Variants in CTNNA3 observed in about 807,000 individuals in gnomAD.
The protein encoded by CTNNA3 is catenin alpha-3.
A neutral mutation model predicts 95.7 loss-of-function variants in CTNNA3; 76 were observed. The ratio of observed to expected loss-of-function variants is 0.79; its 90% CI spans 0.66 to 0.96. The LOEUF is 0.96. Ranked by LOEUF, CTNNA3 falls within the 40% of genes least tolerant of loss-of-function variation. CTNNA3 has a pLI of 0.00. For missense variants in CTNNA3, 1,191 were observed against 1,089.8 expected, an observed-to-expected ratio of 1.09 and a Z score of -1.31; for synonymous variants, 431 against 374.4, an observed-to-expected ratio of 1.15 and a Z score of -1.74.
At chr10:66,329,672 G>A (rs1259962284) in intron 12 of CTNNA3, among the ~76,000 whole-genome samples, 1 of 151,970 alleles carries the variant, frequency 6.6e-6, no homozygotes, top group Non-Finnish European at 1.5e-5. Context: ...ATGAGTGAAT[G>A]TGCATCACAC....
intron 7 of CTNNA3, among the ~76,000 whole-genome samples, chr10:66,916,473 A>T (rs1846500430): frequency 6.6e-6 from 1 of 152,236 alleles, no homozygotes; most frequent in Non-Finnish European, 1.5e-5. Context: ...TGTTTTTAAT[A>T]CAGGCCTTTT....
intron 11 of CTNNA3, among the ~76,000 whole-genome samples, chr10:66,482,033 T>G (rs933142222): frequency 6.6e-6 from 1 of 152,140 alleles, no homozygotes; most frequent in African/African-American, 2.4e-5. Flanking sequence ...TCTAAATTTA[T>G]GTGTATGTTT....
At chr10:66,344,369 C>T (rs565143926) in intron 12 of CTNNA3, among the ~76,000 whole-genome samples, 7 of 150,830 alleles carry the variant, frequency 4.6e-5, no homozygotes, top group Admixed American at 2.7e-4. Context: ...CGGGTTCAAA[C>T]GATTCTCCTG....
intron 7 of CTNNA3, among the ~76,000 whole-genome samples, chr10:67,043,135 C>CTT (rs34946963): frequency 1.9e-5 from 2 of 103,752 alleles, no homozygotes; most frequent in African/African-American, 3.2e-5. Flanking sequence ...CACTTTCTTT[C>CTT]TTTTTTTTTT....
chr10:66,000,817 G>A (rs976283363), intron 15 of CTNNA3, among the ~76,000 whole-genome samples: 1 of 152,168 alleles, frequency 6.6e-6, no homozygotes, highest in Non-Finnish European at 1.5e-5. Flanking sequence ...CTGACGAACA[G>A]ACAAGTTAAA....
intron 13 of CTNNA3, among the ~76,000 whole-genome samples, chr10:66,261,861 T>G (rs914581828): frequency 1.3e-5 from 2 of 151,908 alleles, no homozygotes; most frequent in African/African-American, 4.8e-5. Flanking sequence ...ATCCTATGAC[T>G]TCCCCCTGTA....
At chr10:66,597,887 T>G (rs183995436) in intron 10 of CTNNA3, among the ~76,000 whole-genome samples, 5 of 152,130 alleles carry the variant, frequency 3.3e-5, no homozygotes, top group Admixed American at 3.3e-4. Context: ...TTTAATATTT[T>G]ATTTGAAACA....
chr10:67,537,537 T>C (rs1840524524), intron 4 of CTNNA3, among the ~76,000 whole-genome samples: 1 of 152,220 alleles, frequency 6.6e-6, no homozygotes, highest in Non-Finnish European at 1.5e-5. Context: ...ATGATGTATG[T>C]GAATTACCTA....
intron 2 of CTNNA3, among the ~76,000 whole-genome samples, chr10:67,609,199 G>A (rs549923996): frequency 1.3e-5 from 2 of 151,548 alleles, no homozygotes; most frequent in Admixed American, 1.3e-4. Flanking sequence ...CCATCGTAGA[G>A]GAATGAGAGA....
chr10:66,305,553 T>C (rs2091921423), intron 12 of CTNNA3, among the ~76,000 whole-genome samples: 4 of 152,192 alleles, frequency 2.6e-5, no homozygotes, highest in Admixed American at 2.6e-4. Context: ...CAACTGAAAG[T>C]AAACATATAT....
chr10:67,467,982 A>T (rs1589321807), intron 5 of CTNNA3, among the ~76,000 whole-genome samples: 1 of 150,288 alleles, frequency 6.7e-6, no homozygotes, highest in Non-Finnish European at 1.5e-5. Flanking sequence ...AAGTGCTAGG[A>T]TTATAGGCAT....
rs376310631 is a variant in CTNNA3, at chr10:66,182,278, C to T, written c.1885-79029G>A. Among the ~76,000 whole-genome samples the T allele has an allele frequency of 2.8e-3, 387 of 138,904 alleles. 4 individuals carry two copies. The highest frequency in any genetic ancestry group is 0.02 in the East Asian group (96 of 4,804). 91.1% of individuals were successfully genotyped at this position (138,904 alleles called of 152,430 possible). A position where few individuals can be genotyped will look rare whatever the true frequency, so the allele number is the denominator to read the frequency against. ...TTTCTTTTTTTTTTTTTTTTTGAGA[C>T]GGAGTCTCGCTCTATCGCCCAGGCT... is the stretch of plus-strand genomic sequence containing the variant. On this transcript the variant is annotated intron_variant, in intron 13 of 17. Transcript: ENST00000433211.
At chr10:67,326,048 C>A (rs551710944) in intron 5 of CTNNA3, among the ~76,000 whole-genome samples, 1 of 152,204 alleles carries the variant, frequency 6.6e-6, no homozygotes, top group African/African-American at 2.4e-5. Context: ...AGGATTGCAA[C>A]CCCTGCTTTT....
chr10:66,621,829 G>A, intron 9 of CTNNA3, 45 bp from the exon 10 acceptor site: 1 of 1,227,084 alleles, frequency 8.1e-7, no homozygotes, highest in South Asian at 1.3e-5. Context: ...AGATTAGCAA[G>A]GAAATGCAGC....
chr10:67,038,947 C>T (rs1349816708), intron 7 of CTNNA3, among the ~76,000 whole-genome samples: 1 of 151,916 alleles, frequency 6.6e-6, no homozygotes, highest in Non-Finnish European at 1.5e-5. Context: ...AAAAAATAGT[C>T]TTTTGAGAAG....
At chr10:66,398,663 A>T (rs1328184601) in intron 11 of CTNNA3, among the ~76,000 whole-genome samples, 1 of 150,464 alleles carries the variant, frequency 6.6e-6, no homozygotes, top group Non-Finnish European at 1.5e-5. Context: ...CATGAAACAG[A>T]ACACTTTTTT....
chr10:67,604,344 T>C (rs537035928), intron 3 of CTNNA3, among the ~76,000 whole-genome samples: 69 of 152,238 alleles, frequency 4.5e-4, no homozygotes, highest in South Asian at 2.3e-3. Flanking sequence ...AGGTGCAAGA[T>C]AATGGTAGAA....
intron 17 of CTNNA3, among the ~76,000 whole-genome samples, chr10:65,936,263 G>A (rs2077335989): frequency 1.3e-5 from 2 of 152,236 alleles, no homozygotes; most frequent in South Asian, 2.1e-4. Context: ...TGGTATTAAT[G>A]TAGTTAGGTG....
chr10:67,374,074 C>T (rs1236016858), intron 5 of CTNNA3, among the ~76,000 whole-genome samples: 1 of 152,048 alleles, frequency 6.6e-6, no homozygotes, highest in Non-Finnish European at 1.5e-5. Flanking sequence ...ACTTTCAGAC[C>T]ACTGTAGTAA....
Sources: allele counts gnomAD v4.1 joint callset (sites outside exome capture counted in the v4.1 genomes callset), GRCh38; gene constraint gnomAD v4.1.1; transcripts MANE v1.5; gene names NCBI Gene and HGNC (gene_info 2026-07-23, HGNC 2026-07-21).